The following APC variants were observed in gnomAD, a reference collection of about 807,000 sequenced individuals.
APC encodes the protein adenomatous polyposis coli protein.
A neutral mutation model predicts 247.0 loss-of-function variants in APC; 72 were observed. The observed-to-expected ratio is 0.29, with a 90% CI of 0.24 to 0.35. The LOEUF (loss-of-function observed/expected upper bound fraction) is 0.35, where lower values mean the gene tolerates loss of function less well. APC is among the 10% of genes least tolerant of loss of function. APC has a pLI of 1.00. For synonymous variants in APC, 1,254 were observed against 1,162.5 expected, an observed-to-expected ratio of 1.08 and a Z score of -1.60; for missense variants, 3,400 against 3,360.7, an observed-to-expected ratio of 1.01 and a Z score of -0.29.
intron 1 of APC, among the ~76,000 whole-genome samples, chr5:112,747,785 C>G (rs1216902147): frequency 6.6e-6 from 1 of 152,168 alleles, no homozygotes. Flanking sequence ...TCCTAGTTCT[C>G]TGTTCTTTCC....
intron 5 of APC, among the ~76,000 whole-genome samples, chr5:112,777,337 A>C (rs1206247145): frequency 6.6e-6 from 1 of 152,218 alleles, no homozygotes; most frequent in African/African-American, 2.4e-5. Context: ...TGAGAACAGA[A>C]GTTCTGATTG....
chr5:112,752,719 C>T (rs1320714565), intron 1 of APC, among the ~76,000 whole-genome samples: 1 of 152,156 alleles, frequency 6.6e-6, no homozygotes, highest in Admixed American at 6.5e-5. Flanking sequence ...TATGACTTCA[C>T]AAGTTTTGGA....
chr5:112,840,226 A>G lies in APC; in HGVS notation c.4632A>G (p.Glu1544=), dbSNP rs2149919539. Residue 1544 remains glutamate, a synonymous_variant, in exon 16 of 16, where the codon GAA becomes GAG. Transcript: ENST00000257430. This position sits in a 1 kb window ranked among gnomAD's most constrained non-coding sequence, Gnocchi z 4.1. ...GNETESEQPK[E]SNENQEKEAE... ...AAACAGAATCAGAGCAGCCTAAAGA[A>G]TCAAATGAAAACCAAGAGAAAGAGG... 6.2e-7 allele frequency: 1 copy of G among 1,614,190 alleles called. No individual in the cohort carries two copies. Among genetic ancestry groups the G allele is most frequent in the Non-Finnish European group, 8.5e-7 (1 of 1,180,020 alleles).
In APC at chr5:112,780,920, T is replaced by G. The variant is rs1285043682; in HGVS notation, c.645+17T>G. On this transcript the variant is annotated intron_variant, in intron 6 of 15. Transcript: ENST00000257430. ...CGAGCACAGGTAAGTTACTTGTTTC[T>G]AAGTGATAAAACAGCGAAGAGCTAT... 6.6e-7 allele frequency: 1 copy of G among 1,520,138 alleles called. No individual in the cohort carries two copies. The highest frequency in any genetic ancestry group is 1.1e-5 in the South Asian group (1 of 87,876). The allele number at this position is 1,520,138 out of a possible 1,614,324, so 94.2% of individuals were successfully genotyped here.
chr5:112,822,815 T>C (rs1763277333), intron 11 of APC, among the ~76,000 whole-genome samples: 1 of 152,208 alleles, frequency 6.6e-6, no homozygotes, highest in Admixed American at 6.5e-5. Context: ...CCACTTTATA[T>C]TCCTATCCCC....
chr5:112,780,286 G>C (rs1376296070), intron 5 of APC, among the ~76,000 whole-genome samples: 2 of 151,810 alleles, frequency 1.3e-5, no homozygotes, highest in African/African-American at 4.8e-5. Context: ...GCTTTTTCTT[G>C]TCCCATATTC....
At chr5:112,800,355 A>G (rs928098508) in intron 7 of APC, among the ~76,000 whole-genome samples, 2 of 152,126 alleles carry the variant, frequency 1.3e-5, no homozygotes, top group African/African-American at 4.8e-5. Context: ...ATATTTCTGG[A>G]TTACTGAGTG....
intron 2 of APC, among the ~76,000 whole-genome samples, chr5:112,764,348 T>A (rs1470577934): frequency 2.0e-5 from 3 of 151,854 alleles, no homozygotes; most frequent in Admixed American, 2.0e-4. Flanking sequence ...ATTTTCATAG[T>A]TTAGGTAGGG....
intron 11 of APC, among the ~76,000 whole-genome samples, chr5:112,823,744 A>T (rs1039452866): frequency 1.3e-5 from 2 of 152,198 alleles, no homozygotes; most frequent in Non-Finnish European, 2.9e-5. Context: ...CTAGATTTTT[A>T]TAATGATTAA....
At position 112,753,582 on chromosome 5, in the gene APC, CTT is replaced by C. The variant is rs570186206; in HGVS notation, c.-18-1288_-18-1287del. ...AGACTCAATTTTTTTCAACCAAAGA[CTT>C]TTGTAGGTGATCCCTGCCTGCAGGA... On this transcript the variant is annotated intron_variant, in intron 1 of 15. Coordinates refer to ENST00000257430, the MANE Select transcript of APC (RefSeq NM_000038.6). Among the ~76,000 whole-genome samples the C allele has an allele frequency of 5.4e-4, 82 of 152,144 alleles. 1 individual carries two copies. Among genetic ancestry groups the C allele is most frequent in the South Asian group, 1.2e-3 (6 of 4,820 alleles).
Position 112,843,989 on chromosome 5 carries a change from T to C in APC, c.8395T>C (p.Ser2799Pro), listed in dbSNP as rs906191341. The C allele has an allele frequency of 6.2e-7, 1 of 1,601,080 alleles. No individual in the cohort carries two copies. Residue 2799 changes from serine to proline, a missense_variant, in exon 16 of 16, where the codon TCA becomes CCA. Coordinates refer to ENST00000257430, the MANE Select transcript of APC (RefSeq NM_000038.6). This position sits in a 1 kb window ranked among gnomAD's most constrained non-coding sequence, Gnocchi z 4.8. ...SPRKSSADST[S>P]ARPSQIPTPV... ...TAGGAAAAGCAGCGCAGATAGCACT[T>C]CAGCTCGGCCATCTCAGATCCCAAC...
At chr5:112,817,001 TG>T (rs571278849) in intron 9 of APC, among the ~76,000 whole-genome samples, 172 of 151,910 alleles carry the variant, frequency 1.1e-3, no homozygotes, top group African/African-American at 3.9e-3. Context: ...CCCAAGTAGC[TG>T]GGATTACAGG....
intron 1 of APC, among the ~76,000 whole-genome samples, chr5:112,709,025 T>C (rs530529415): frequency 7.9e-5 from 12 of 152,334 alleles, no homozygotes; most frequent in East Asian, 3.9e-4. Flanking sequence ...TTGGATAACG[T>C]GTCAAGAGCC....
intron 6 of APC, among the ~76,000 whole-genome samples, chr5:112,785,337 TCAAG>T (rs1758818646): frequency 6.6e-6 from 1 of 152,062 alleles, no homozygotes; most frequent in East Asian, 1.9e-4. Flanking sequence ...GTAAGGTAAC[TCAAG>T]TTAAGATACA....
chr5:112,803,870 T>G (rs1015630600), intron 8 of APC, among the ~76,000 whole-genome samples: 1 of 152,208 alleles, frequency 6.6e-6, no homozygotes, highest in Admixed American at 6.5e-5. Flanking sequence ...AATCAGTTAT[T>G]CTTCTAAAAC....
At chr5:112,722,074 G>A (rs1359463412) in intron 1 of APC, among the ~76,000 whole-genome samples, 1 of 152,122 alleles carries the variant, frequency 6.6e-6, no homozygotes, top group Non-Finnish European at 1.5e-5. Flanking sequence ...CATTGAGAAA[G>A]CGGCACAGAA....
chr5:112,796,141 A>T (rs886454796), intron 7 of APC, among the ~76,000 whole-genome samples: 1 of 152,238 alleles, frequency 6.6e-6, no homozygotes, highest in African/African-American at 2.4e-5. Flanking sequence ...AGGAAGTTGT[A>T]AAGGAAGGTG....
intron 6 of APC, among the ~76,000 whole-genome samples, chr5:112,784,060 T>A (rs894940569): frequency 6.6e-6 from 1 of 152,060 alleles, no homozygotes; most frequent in African/African-American, 2.4e-5. Flanking sequence ...TTTAAATCTT[T>A]TTTGTTTGCT....
At chr5:112,744,699 T>G (rs1411054952) in intron 1 of APC, among the ~76,000 whole-genome samples, 1 of 152,124 alleles carries the variant, frequency 6.6e-6, no homozygotes, top group South Asian at 2.1e-4. Flanking sequence ...AACAAAAATA[T>G]AAAGGTAAGA....
Sources: gnomAD v4.1 joint callset for allele counts (sites outside exome capture counted in the v4.1 genomes callset) on GRCh38, gnomAD v4.1.1 for gene constraint, Gnocchi (gnomAD v3.1) non-coding constraint, MANE v1.5 for transcripts, NCBI Gene and HGNC (gene_info 2026-07-23, HGNC 2026-07-21) for gene names.